PAPPA2: variants seen among roughly 807,000 people sequenced by gnomAD.
PAPPA2 encodes the protein pappalysin-2.
In PAPPA2, 86 loss-of-function variants were observed where a neutral mutation model predicts 176.4. That is an observed-to-expected ratio of 0.49 (90% confidence interval 0.41 to 0.58). PAPPA2 has a LOEUF of 0.58. Ranked by LOEUF, PAPPA2 falls within the 20% of genes least tolerant of loss-of-function variation. The pLI is 0.00. For missense variants in PAPPA2, 2,073 were observed against 2,256.9 expected (o/e 0.92, Z 1.65); for synonymous variants, 809 against 852.2 (o/e 0.95, Z 0.88).
At chr1:176,666,586 TG>T (rs1658657600) in intron 3 of PAPPA2, among the ~76,000 whole-genome samples, 1 of 148,936 alleles carries the variant, frequency 6.7e-6, no homozygotes, top group African/African-American at 2.5e-5. Flanking sequence ...TGTGTGTGTG[TG>T]TGTGTGTGTG....
In PAPPA2 at chr1:176,740,127, C is replaced by T. The variant is rs1662607507; in HGVS notation, c.4082C>T (p.Ser1361Phe). Residue 1361 changes from serine to phenylalanine, a missense_variant, in exon 14 of 23, where the codon TCC becomes TTC. Physicochemically the swap from Ser to Phe is radical, Grantham distance 155. This residue lies in a region of PAPPA2 where 846 missense variants were observed against 857.9 expected (regional missense o/e 0.99). Coordinates refer to ENST00000367662, the MANE Select transcript of PAPPA2 (RefSeq NM_020318.3). The stretch of plus-strand genomic sequence containing the variant: ...TCAGCTGTGGCTCTAAGGACATCCT[C>T]CCGCATTGGTCTTTCGGCTCCCAGT... ...GISAVALRTSSRIGLSAPSNC... is the reference protein window; with the variant it reads ...GISAVALRTSFRIGLSAPSNC... 4 of 1,613,768 alleles carry T rather than the reference C, an allele frequency of 2.5e-6. No individual in the cohort carries two copies. Among genetic ancestry groups the T allele is most frequent in the Non-Finnish European group, 3.4e-6 (4 of 1,179,866 alleles).
chr1:176,576,152 A>T (rs534587641), intron 2 of PAPPA2, among the ~76,000 whole-genome samples: 1 of 152,282 alleles, frequency 6.6e-6, no homozygotes, highest in South Asian at 2.1e-4. Context: ...AATGGTTGCT[A>T]AATGGTTTTC....
intron 8 of PAPPA2, among the ~76,000 whole-genome samples, chr1:176,701,486 G>A (rs917822277): frequency 2.0e-5 from 3 of 152,142 alleles, no homozygotes; most frequent in Admixed American, 1.3e-4. Flanking sequence ...GCTTCTCTGG[G>A]GGATGTGGGG....
At chr1:176,712,771 G>T (rs1661201883) in intron 12 of PAPPA2, among the ~76,000 whole-genome samples, 1 of 152,188 alleles carries the variant, frequency 6.6e-6, no homozygotes, top group Non-Finnish European at 1.5e-5. Flanking sequence ...CACAGTGGTT[G>T]TACTAATGTA....
intron 1 of PAPPA2, among the ~76,000 whole-genome samples, chr1:176,482,244 G>C (rs1652439376): frequency 6.6e-6 from 1 of 152,150 alleles, no homozygotes; most frequent in Admixed American, 6.5e-5. Context: ...TCTTCCCTAA[G>C]CCGAATAATG....
At chr1:176,554,851 T>C (rs1052864287) in intron 1 of PAPPA2, among the ~76,000 whole-genome samples, 1 of 152,096 alleles carries the variant, frequency 6.6e-6, no homozygotes, top group Non-Finnish European at 1.5e-5. Flanking sequence ...AAATCCCCAA[T>C]GATTGAACAA....
intron 2 of PAPPA2, among the ~76,000 whole-genome samples, chr1:176,561,365 A>C (rs115906157): frequency 0.024 from 3,647 of 152,270 alleles, 96 homozygotes; most frequent in African/African-American, 0.067. Context: ...GCCTGGCAGG[A>C]GCTAACAGTG....
chr1:176,579,584 A>G (rs1652845315), intron 2 of PAPPA2, among the ~76,000 whole-genome samples: 1 of 152,202 alleles, frequency 6.6e-6, no homozygotes, highest in African/African-American at 2.4e-5. Context: ...ATCTGCAAGT[A>G]GTGGTCTGCA....
intron 1 of PAPPA2, among the ~76,000 whole-genome samples, chr1:176,519,629 T>C (rs1344701017): frequency 6.6e-6 from 1 of 152,154 alleles, no homozygotes; most frequent in Non-Finnish European, 1.5e-5. Flanking sequence ...CCCGAGTTGC[T>C]CATTTTTGGA....
At chr1:176,509,084 G>T (rs4652182) in intron 1 of PAPPA2, among the ~76,000 whole-genome samples, 1,872 of 1,872 alleles carry the variant, frequency 1, 936 homozygotes, top group Non-Finnish European at 1. Context: ...TAATATATAA[G>T]TAGAGAATAT....
chr1:176,710,260 TG>T (rs1661085678), intron 11 of PAPPA2, 84 bp downstream of exon 11: 1 of 1,241,428 alleles, frequency 8.1e-7, no homozygotes, highest in East Asian at 2.4e-5. Context: ...GGTCTATGTT[TG>T]GATAATTAAA....
At chr1:176,784,663 T>A (rs1664855593) in intron 17 of PAPPA2, among the ~76,000 whole-genome samples, 1 of 151,612 alleles carries the variant, frequency 6.6e-6, no homozygotes, top group Non-Finnish European at 1.5e-5. Flanking sequence ...TTCAGCTCAC[T>A]ACAACCTCCG....
chr1:176,524,847 C>T (rs188937487), intron 1 of PAPPA2, among the ~76,000 whole-genome samples: 6 of 152,182 alleles, frequency 3.9e-5, no homozygotes, highest in Non-Finnish European at 7.4e-5. Context: ...CACGATGAAA[C>T]CCCGTCTCTA....
chr1:176,634,605 T>A (rs1193435724), intron 3 of PAPPA2, among the ~76,000 whole-genome samples: 1 of 150,718 alleles, frequency 6.6e-6, no homozygotes. Flanking sequence ...TATATATATA[T>A]AAAATAAAAA....
At chr1:176,620,557 CACAA>C (rs1655526250) in intron 3 of PAPPA2, among the ~76,000 whole-genome samples, 3 of 152,098 alleles carry the variant, frequency 2.0e-5, no homozygotes, top group Non-Finnish European at 4.4e-5. Flanking sequence ...CAATTTCTGT[CACAA>C]CTACTTCATA....
At chr1:176,628,812 T>A (rs1262949064) in intron 3 of PAPPA2, among the ~76,000 whole-genome samples, 1 of 152,238 alleles carries the variant, frequency 6.6e-6, no homozygotes, top group East Asian at 1.9e-4. Context: ...TGCAGTCTTC[T>A]ATTTTTAAAG....
intron 1 of PAPPA2, among the ~76,000 whole-genome samples, chr1:176,525,246 C>G (rs1649437194): frequency 6.6e-6 from 1 of 152,194 alleles, no homozygotes; most frequent in Non-Finnish European, 1.5e-5. Flanking sequence ...ATGAATCAAT[C>G]ACTCAGTTGA....
chr1:176,484,166 G>A (rs988629876), intron 1 of PAPPA2, among the ~76,000 whole-genome samples: 4 of 152,016 alleles, frequency 2.6e-5, no homozygotes, highest in South Asian at 2.1e-4. Flanking sequence ...ATTTCAATCC[G>A]TTCTCCTCCT....
chr1:176,600,675 CAAA>C lies in PAPPA2; in HGVS notation c.1991+5101_1991+5103del, dbSNP rs749068016. 8.3e-4 allele frequency among the ~76,000 whole-genome samples: 67 copies of C among 80,860 alleles called. No individual in the cohort carries two copies. The East Asian group carries it at 0.013, about 16-fold the overall frequency. The allele number at this position is 80,860 out of a possible 152,430, so 53.0% of individuals were successfully genotyped here. A position where few individuals can be genotyped will look rare whatever the true frequency, so the allele number is the denominator to read the frequency against. ...TGGGCGACAGAGCGAGACTCCGTCT[CAAA>C]AAAAAAAAAAAAAAAAAAAATCACA... On this transcript the variant is annotated intron_variant, in intron 3 of 22. Coordinates refer to ENST00000367662, the MANE Select transcript of PAPPA2 (RefSeq NM_020318.3).
Sources: gnomAD v4.1 joint callset for allele counts (sites outside exome capture counted in the v4.1 genomes callset) on GRCh38, gnomAD v4.1.1 for gene constraint, gnomAD v4.1.1 regional missense constraint, MANE v1.5 for transcripts, NCBI Gene and HGNC (gene_info 2026-07-23, HGNC 2026-07-21) for gene names.